The following SMAD6 variants were observed in gnomAD, a reference collection of about 807,000 sequenced individuals.
The protein encoded by SMAD6 is MAD homolog 6.
In SMAD6, 103 loss-of-function variants were observed where a neutral mutation model predicts 39.4. The observed-to-expected ratio is 2.62, with a 90% CI of 2.23 to 3.08. The LOEUF (loss-of-function observed/expected upper bound fraction) is 3.08, where lower values mean the gene tolerates loss of function less well. Ranked by LOEUF, SMAD6 falls within the 30% of genes most tolerant of loss-of-function variation. SMAD6 has a pLI of 0.00. For synonymous variants in SMAD6, 445 were observed against 353.3 expected (o/e 1.26, Z -2.91); for missense variants, 1,104 against 742.9 (o/e 1.49, Z -5.65).
intron 3 of SMAD6, among the ~76,000 whole-genome samples, chr15:66,753,723 TGAA>T (rs1376895964): frequency 6.6e-6 from 1 of 152,228 alleles, no homozygotes; most frequent in African/African-American, 2.4e-5. Context: ...TCATTGAACT[TGAA>T]GAGGAAATTT....
Position 66,703,778 on chromosome 15 carries a change from A to G in SMAD6, c.520A>G (p.Thr174Ala). The G allele has an allele frequency of 7.0e-7, 1 of 1,433,074 alleles. No homozygotes were observed. Among genetic ancestry groups the G allele is most frequent in the Admixed American group, 2.2e-5 (1 of 45,334 alleles). 88.8% of individuals were successfully genotyped at this position (1,433,074 alleles called of 1,614,324 possible). ...GCTGCTGCTGGAGCAGGAACTCAAA[A>G]CCGTCACGTACTCGCTGCTGAAGCG... ...RLLLLEQELK[T>A]VTYSLLKRLK... Residue 174 changes from threonine to alanine, a missense_variant, in exon 1 of 4, where the codon ACC (threonine) becomes GCC (alanine). Physicochemically the swap from Thr to Ala is moderately conservative, Grantham distance 58. Transcript: ENST00000288840.
At chr15:66,727,641 C>T (rs994548876) in intron 3 of SMAD6, among the ~76,000 whole-genome samples, 1 of 152,142 alleles carries the variant, frequency 6.6e-6, no homozygotes, top group Non-Finnish European at 1.5e-5. Context: ...AATGCCACTT[C>T]AGGGAGGGCT....
At chr15:66,750,269 CT>C (rs1263966659) in intron 3 of SMAD6, among the ~76,000 whole-genome samples, 1 of 152,190 alleles carries the variant, frequency 6.6e-6, no homozygotes, top group Non-Finnish European at 1.5e-5. Context: ...ACCCCTCTTT[CT>C]TTGTGGGTAT....
rs1894581800 is a variant in SMAD6 at position 66,781,648 on chromosome 15, T to C, written c.*113T>C. The stretch of plus-strand genomic sequence containing the variant: ...CCCCACGGACAAAACCCCCCAGATA[T>C]CATCTACCTAGATTTAATATAAAGT... On this transcript the variant is annotated 3_prime_UTR_variant, in exon 4 of 4. Coordinates refer to ENST00000288840, the MANE Select transcript of SMAD6 (RefSeq NM_005585.5). 1 of 589,130 alleles carries C rather than the reference T, an allele frequency of 1.7e-6. No individual in the cohort carries two copies. The highest frequency in any genetic ancestry group is 2.8e-6 in the Non-Finnish European group (1 of 359,102). The allele number at this position is 589,130 out of a possible 1,614,324, so 36.5% of individuals were successfully genotyped here. A position where few individuals can be genotyped will look rare whatever the true frequency, so the allele number is the denominator to read the frequency against.
chr15:66,776,171 C>T (rs974201477), intron 3 of SMAD6, among the ~76,000 whole-genome samples: 5 of 152,226 alleles, frequency 3.3e-5, no homozygotes, highest in African/African-American at 1.2e-4. Flanking sequence ...GGGCTAACCC[C>T]TAACATTTGT....
chr15:66,712,020 G>T (rs1893241878), intron 2 of SMAD6, among the ~76,000 whole-genome samples: 1 of 152,188 alleles, frequency 6.6e-6, no homozygotes, highest in Admixed American at 6.5e-5. Context: ...TTTGACTTAT[G>T]CATCTCACCG....
At chr15:66,707,746 C>G (rs543074951) in intron 1 of SMAD6, 1 of 152,448 alleles carries the variant, frequency 6.6e-6, no homozygotes, top group Admixed American at 6.5e-5. Flanking sequence ...TCTTCAGGTT[C>G]TGGGGGCAGG....
At chr15:66,754,355 T>C (rs1894060206) in intron 3 of SMAD6, among the ~76,000 whole-genome samples, 1 of 152,144 alleles carries the variant, frequency 6.6e-6, no homozygotes, top group African/African-American at 2.4e-5. Flanking sequence ...AGCTTTGCGG[T>C]ATTCAGGGGT....
At position 66,763,432 on chromosome 15, in the gene SMAD6, C is replaced by T. The variant is rs371244303; in HGVS notation, c.953-17565C>T. On this transcript the variant is annotated intron_variant, in intron 3 of 3. Coordinates refer to ENST00000288840, the MANE Select transcript of SMAD6 (RefSeq NM_005585.5). ...GCCCAGCCGGAACCTGCCATTCTCT[C>T]GTCAGTGCCGCCTCCCCGACTTGGC... 2.3e-4 allele frequency among the ~76,000 whole-genome samples: 35 copies of T among 152,336 alleles called. No homozygotes were observed. In the South Asian group the frequency reaches 4.3e-3, roughly 19 times the overall value.
chr15:66,718,067 T>C (rs1422804390), intron 3 of SMAD6, among the ~76,000 whole-genome samples: 5 of 151,572 alleles, frequency 3.3e-5, no homozygotes, highest in Non-Finnish European at 7.4e-5. Context: ...AGATGGGTAA[T>C]TTTTTGGCAT....
intron 3 of SMAD6, among the ~76,000 whole-genome samples, chr15:66,720,367 G>A (rs35759360): frequency 6.6e-6 from 1 of 152,122 alleles, no homozygotes; most frequent in Non-Finnish European, 1.5e-5. Context: ...CTCCAGCCTA[G>A]AAAAACAATG....
chr15:66,733,639 A>G (rs973258152), intron 3 of SMAD6, among the ~76,000 whole-genome samples: 4 of 152,206 alleles, frequency 2.6e-5, no homozygotes, highest in African/African-American at 9.6e-5. Flanking sequence ...CCATATATGC[A>G]TAGGACTTTC....
In SMAD6 at chr15:66,718,111, CGTGTGT is replaced by C. The variant is rs57053370; in HGVS notation, c.952+1648_952+1653del. ...TCCCTATTGTTAATGATGGAAAGTC[CGTGTGT>C]GTGTGTGTGTGTGTGTGTGTGTGTG... On this transcript the variant is annotated intron_variant, in intron 3 of 3. Transcript: ENST00000288840. 7.9e-3 allele frequency among the ~76,000 whole-genome samples: 1,080 copies of C among 137,208 alleles called. 13 individuals carry two copies. Among genetic ancestry groups the C allele is most frequent in the African/African-American group, 0.026 (913 of 35,022 alleles). The allele number at this position is 137,208 out of a possible 152,430, so 90.0% of individuals were successfully genotyped here.
chr15:66,722,882 C>T (rs1893459368), intron 3 of SMAD6, among the ~76,000 whole-genome samples: 1 of 152,086 alleles, frequency 6.6e-6, no homozygotes, highest in Non-Finnish European at 1.5e-5. Flanking sequence ...GGATGGTGGG[C>T]AGTGTGCCAG....
Position 66,704,061 on chromosome 15 carries a change from G to A in SMAD6, c.803G>A (p.Arg268Gln). The A allele has an allele frequency of 2.0e-6, 3 of 1,496,280 alleles. No individual in the cohort carries two copies. The highest frequency in any genetic ancestry group is 1.2e-5 in the South Asian group (1 of 80,232). The allele number at this position is 1,496,280 out of a possible 1,614,324, so 92.7% of individuals were successfully genotyped here. A position where few individuals can be genotyped will look rare whatever the true frequency, so the allele number is the denominator to read the frequency against. The change falls in exon 1 of 4, where the codon CGG (arginine) becomes CAG (glutamine). Residue 268 changes from arginine to glutamine, a missense_variant. Physicochemically the swap from Arg to Gln is conservative, Grantham distance 43. Transcript: ENST00000288840. Reference protein sequence around the residue: ...TVCCNPYHFSRLCGPESPPPP... With the variant: ...TVCCNPYHFSQLCGPESPPPP... ...TGCTGCAACCCCTACCACTTCAGCC[G>A]GCTCTGCGGGCCCGGTGAGCGCGCT...
At chr15:66,769,395 G>A (rs1480432413) in intron 3 of SMAD6, among the ~76,000 whole-genome samples, 4 of 152,172 alleles carry the variant, frequency 2.6e-5, no homozygotes, top group African/African-American at 7.2e-5. Context: ...ACCTGCCCAC[G>A]GTAACATAGC....
chr15:66,703,043 C>T lies in SMAD6; in HGVS notation c.-216C>T. ...TGGCCGCGCGCGGACTGCGGCTCGG[C>T]GTGCGCGTGTTCCCGGCCGTCCCGC... On this transcript the variant is annotated 5_prime_UTR_variant, in exon 1 of 4. Transcript: ENST00000288840. 1 of 397,386 alleles carries T rather than the reference C, an allele frequency of 2.5e-6. No individual in the cohort carries two copies. The highest frequency in any genetic ancestry group is 4.6e-6 in the Non-Finnish European group (1 of 217,314). 24.6% of individuals were successfully genotyped at this position (397,386 alleles called of 1,614,324 possible).
At chr15:66,760,994 C>T (rs996431337) in intron 3 of SMAD6, among the ~76,000 whole-genome samples, 8 of 152,188 alleles carry the variant, frequency 5.3e-5, no homozygotes, top group African/African-American at 1.9e-4. Flanking sequence ...CCGGGCTCCA[C>T]CCAGGACCCA....
Position 66,703,302 on chromosome 15 carries a change from G to C in SMAD6, c.44G>C (p.Arg15Pro). 6.7e-7 allele frequency: 1 copy of C among 1,492,786 alleles called. No homozygotes were observed. Among genetic ancestry groups the C allele is most frequent in the Non-Finnish European group, 8.9e-7 (1 of 1,120,748 alleles). 92.5% of individuals were successfully genotyped at this position (1,492,786 alleles called of 1,614,324 possible). The change falls in exon 1 of 4, where the codon CGA (arginine) becomes CCA (proline). Residue 15 changes from arginine to proline, a missense_variant. Physicochemically the swap from Arg to Pro is moderately radical, Grantham distance 103. Coordinates refer to ENST00000288840, the MANE Select transcript of SMAD6 (RefSeq NM_005585.5). The part of the protein sequence containing the change: ...KRSGLVRRLW[R>P]SRVVPDREEG... ...TCGGGGCTGGTGCGGCGACTTTGGC[G>C]AAGTCGTGTGGTCCCCGACCGGGAG...
Sources: gnomAD v4.1 joint callset for allele counts (sites outside exome capture counted in the v4.1 genomes callset) on GRCh38, gnomAD v4.1.1 for gene constraint, MANE v1.5 for transcripts, NCBI Gene and HGNC (gene_info 2026-07-23, HGNC 2026-07-21) for gene names.